Variants in TAFA2 observed in about 807,000 individuals in gnomAD.
TAFA2 encodes the protein chemokine-like protein TAFA-2.
A neutral mutation model predicts 18.8 loss-of-function variants in TAFA2; 7 were observed. The ratio of observed to expected loss-of-function variants is 0.37; its 90% CI spans 0.21 to 0.70. The LOEUF is 0.70. TAFA2 is among the 30% of genes least tolerant of loss of function. TAFA2 has a pLI of 0.53. For synonymous variants in TAFA2, 60 were observed against 54.2 expected (o/e 1.11, Z -0.47); for missense variants, 122 against 158.1 (o/e 0.77, Z 1.23).
intron 2 of TAFA2, among the ~76,000 whole-genome samples, chr12:61,803,139 C>T (rs1871465912): frequency 6.6e-6 from 1 of 151,708 alleles, no homozygotes; most frequent in South Asian, 2.1e-4. Flanking sequence ...AATACTTTAT[C>T]CAAGGAATAC....
At chr12:61,824,801 C>T (rs1384336755) in intron 2 of TAFA2, among the ~76,000 whole-genome samples, 1 of 152,100 alleles carries the variant, frequency 6.6e-6, no homozygotes, top group African/African-American at 2.4e-5. Flanking sequence ...ATAAATAAGA[C>T]ATGGTTACTG....
At chr12:62,068,988 T>C (rs1882560359) in intron 1 of TAFA2, among the ~76,000 whole-genome samples, 1 of 152,158 alleles carries the variant, frequency 6.6e-6, no homozygotes, top group African/African-American at 2.4e-5. Flanking sequence ...TCTTAAAGTT[T>C]CCTGTGTGGG....
intron 1 of TAFA2, among the ~76,000 whole-genome samples, chr12:62,217,550 C>G (rs1257004015): frequency 1.3e-5 from 2 of 152,158 alleles, no homozygotes; most frequent in Admixed American, 6.5e-5. Context: ...AAGCCTCTTG[C>G]CCAAGATCAA....
intron 1 of TAFA2, chr12:62,023,883 C>T (rs569111275): frequency 9.2e-5 from 14 of 152,234 alleles, no homozygotes; most frequent in Admixed American, 5.9e-4. Context: ...TTCTTCTGCA[C>T]GTCATCTTTA....
chr12:62,256,184 G>A lies in TAFA2; in HGVS notation c.-130+2579C>T, dbSNP rs535379718. ...CTCAAGAAGCTGAGGCAGGAGAATC[G>A]CTTGAACCCGGGAGGCAGAGGTTGC... is the stretch of plus-strand genomic sequence containing the variant. On this transcript the variant is annotated intron_variant, in intron 1 of 5. Coordinates refer to the TAFA2 transcript ENST00000551619. Among the ~76,000 whole-genome samples the A allele has an allele frequency of 1.0e-3, 154 of 151,366 alleles. 1 individual carries two copies. Among genetic ancestry groups the A allele is most frequent in the Middle Eastern group, 6.9e-3 (2 of 288 alleles).
At chr12:61,842,092 T>C (rs1158387246) in intron 2 of TAFA2, among the ~76,000 whole-genome samples, 4 of 151,900 alleles carry the variant, frequency 2.6e-5, no homozygotes, top group Non-Finnish European at 5.9e-5. Context: ...TAAGGACATT[T>C]TTTTTTCGCT....
At chr12:62,132,844 A>G (rs906626817) in intron 1 of TAFA2, among the ~76,000 whole-genome samples, 2 of 151,986 alleles carry the variant, frequency 1.3e-5, no homozygotes, top group Non-Finnish European at 2.9e-5. Flanking sequence ...CCATAGCTAC[A>G]TTTCTGGAAA....
chr12:62,041,889 T>A, intron 1 of TAFA2, among the ~76,000 whole-genome samples: 1 of 152,126 alleles, frequency 6.6e-6, no homozygotes, highest in Non-Finnish European at 1.5e-5. Context: ...TTCATTCAGA[T>A]GTAAATTCTG....
intron 1 of TAFA2, among the ~76,000 whole-genome samples, chr12:61,966,363 G>A (rs1318127602): frequency 6.6e-6 from 1 of 151,830 alleles, no homozygotes; most frequent in Non-Finnish European, 1.5e-5. Flanking sequence ...AACACTGGTG[G>A]AAGAGAAAGA....
chr12:61,884,498 T>C (rs961988343), intron 1 of TAFA2, among the ~76,000 whole-genome samples: 4 of 152,202 alleles, frequency 2.6e-5, no homozygotes, highest in African/African-American at 9.6e-5. Context: ...CGCTCTTTTT[T>C]AGTAGGACAC....
At chr12:61,934,994 C>T (rs995589274) in intron 1 of TAFA2, among the ~76,000 whole-genome samples, 5 of 152,236 alleles carry the variant, frequency 3.3e-5, no homozygotes, top group South Asian at 4.1e-4. Context: ...GTTCACTTGA[C>T]TGAGTTTATA....
chr12:61,890,791 TC>T (rs1875597421), intron 1 of TAFA2, among the ~76,000 whole-genome samples: 1 of 152,288 alleles, frequency 6.6e-6, no homozygotes. Context: ...GTCACCTCCC[TC>T]CAGCAGATGA....
intron 1 of TAFA2, among the ~76,000 whole-genome samples, chr12:62,204,602 C>T (rs933839647): frequency 2.0e-5 from 3 of 151,878 alleles, no homozygotes; most frequent in Admixed American, 6.6e-5. Flanking sequence ...GAAATTTTTT[C>T]GTCTGCTTGG....
chr12:61,885,201 C>A (rs1875321637), intron 1 of TAFA2, among the ~76,000 whole-genome samples: 1 of 152,172 alleles, frequency 6.6e-6, no homozygotes, highest in African/African-American at 2.4e-5. Context: ...CTTTAAGACC[C>A]ATATCCAGGT....
chr12:62,099,528 A>T (rs2136846734), intron 1 of TAFA2, among the ~76,000 whole-genome samples: 1 of 152,310 alleles, frequency 6.6e-6, no homozygotes. Flanking sequence ...AGAACATTCA[A>T]AGTTTATAAT....
chr12:61,851,796 A>C (rs1873669435), intron 2 of TAFA2, among the ~76,000 whole-genome samples: 2 of 131,970 alleles, frequency 1.5e-5, no homozygotes, highest in African/African-American at 3.3e-5. Context: ...AAAAAAAAAA[A>C]AAAAAAAAAA....
intron 1 of TAFA2, among the ~76,000 whole-genome samples, chr12:62,085,060 T>C (rs1464073044): frequency 2.0e-5 from 3 of 152,086 alleles, no homozygotes. Flanking sequence ...TTCTCGAGCC[T>C]CCCCAGAAAA....
chr12:62,021,940 T>C (rs1328314181), intron 1 of TAFA2: 4 of 718,874 alleles, frequency 5.6e-6, no homozygotes, highest in Non-Finnish European at 1.1e-5. Flanking sequence ...CAACACACCA[T>C]GGCAGGCCCT....
rs1869382223 is a variant in TAFA2 at position 62,104,977 on chromosome 12, C to T, written c.-2+86282G>A. 2.0e-5 allele frequency: 4 copies of T among 200,646 alleles called. No individual in the cohort carries two copies. The South Asian group carries it at 2.0e-4, about 10-fold the overall frequency. The allele number at this position is 200,646 out of a possible 1,614,324, so 12.4% of individuals were successfully genotyped here. A position where few individuals can be genotyped will look rare whatever the true frequency, so the allele number is the denominator to read the frequency against. On this transcript the variant is annotated intron_variant, in intron 1 of 4. Coordinates refer to ENST00000416284, the MANE Select transcript of TAFA2 (RefSeq NM_178539.5). ...TCTATTTAGTTTTCAAAAGGATTTA[C>T]ATACATTTCAAAGAGAGGAGAAAGT...
Sources: allele counts gnomAD v4.1 joint callset (sites outside exome capture counted in the v4.1 genomes callset), GRCh38; gene constraint gnomAD v4.1.1; transcripts MANE v1.5; gene names NCBI Gene and HGNC (gene_info 2026-07-23, HGNC 2026-07-21).